Variants in OTOP1 observed in about 807,000 individuals in gnomAD.
The protein encoded by OTOP1 is otopetrin 1, also known as proton channel OTOP1.
OTOP1 carries 59 observed loss-of-function variants against 52.9 expected under a neutral mutation model. The ratio of observed to expected loss-of-function variants is 1.12; its 90% CI spans 0.91 to 1.39. The LOEUF (loss-of-function observed/expected upper bound fraction) is 1.39, where lower values mean the gene tolerates loss of function less well. OTOP1 is among the 40% of genes most tolerant of loss of function. The probability of loss-of-function intolerance (pLI) is 0.00; values close to 1 mark genes in which losing one functional copy is unlikely to be tolerated. For missense variants in OTOP1, 761 were observed against 800.9 expected, an observed-to-expected ratio of 0.95 and a Z score of 0.60; for synonymous variants, 317 against 337.7, an observed-to-expected ratio of 0.94 and a Z score of 0.67.
Position 4,197,686 on chromosome 4 carries a change from T to C in OTOP1, c.1148A>G (p.Lys383Arg), listed in dbSNP as rs370416411. 5 of 1,613,486 alleles carry C rather than the reference T, an allele frequency of 3.1e-6. No homozygotes were observed. The African/African-American group carries it at 6.7e-5, about 22-fold the overall frequency. ...RIDEKSLDES[K>R]NPARKLDSDL... ...CGAGTCCAGTTTGCGGGCCGGATTT[T>C]TGGACTCATCCAGTGACTTCTCGTC... Residue 383 changes from lysine (K) to arginine (R), a missense_variant, in exon 5 of 6, where the codon AAA becomes AGA. By Grantham distance (26) the Lys-to-Arg change is conservative. This residue lies in a region of OTOP1 where 632 missense variants were observed against 619.5 expected (regional missense o/e 1.02). Transcript: ENST00000296358.
chr4:4,225,679 C>T (rs1217123540), intron 1 of OTOP1, among the ~76,000 whole-genome samples: 1 of 152,114 alleles, frequency 6.6e-6, no homozygotes, highest in East Asian at 1.9e-4. Flanking sequence ...CTTTGCCCCA[C>T]CCTGCATCCA....
chr4:4,201,787 C>A lies in OTOP1; in HGVS notation c.730+661G>T, dbSNP rs1301862674. ...GAGAGATTAAATGTCTTCTAAAGGT[C>A]ACACAGCTTGTACATGATGGGAACA... On this transcript the variant is annotated intron_variant, in intron 4 of 5. Coordinates refer to ENST00000296358, the MANE Select transcript of OTOP1 (RefSeq NM_177998.3). Among the ~76,000 whole-genome samples, 4 of 152,282 alleles carry A rather than the reference C, an allele frequency of 2.6e-5. No homozygotes were observed. The East Asian group carries it at 5.8e-4, about 22-fold the overall frequency.
At chr4:4,203,859 C>A (rs1716841338) in intron 3 of OTOP1, among the ~76,000 whole-genome samples, 1 of 152,318 alleles carries the variant, frequency 6.6e-6, no homozygotes, top group East Asian at 1.9e-4. Flanking sequence ...TTGGGTGGGT[C>A]CCCTGCCTGG....
intron 1 of OTOP1, among the ~76,000 whole-genome samples, chr4:4,216,531 C>A (rs1156380308): frequency 1.3e-5 from 2 of 152,192 alleles, no homozygotes; most frequent in African/African-American, 4.8e-5. Flanking sequence ...GCCTCAGAAG[C>A]CTCCTCTGAA....
At chr4:4,220,038 TATACATATATAC>T (rs1318326358) in intron 1 of OTOP1, among the ~76,000 whole-genome samples, 9 of 60,414 alleles carry the variant, frequency 1.5e-4, no homozygotes, top group Non-Finnish European at 2.9e-4. Context: ...CGTATATATG[TATACATATATAC>T]ATATACGTGT....
At chr4:4,220,600 G>A (rs1717278471) in intron 1 of OTOP1, among the ~76,000 whole-genome samples, 1 of 152,166 alleles carries the variant, frequency 6.6e-6, no homozygotes, top group Admixed American at 6.6e-5. Context: ...AGGAGATTGA[G>A]TGAGTCATTA....
intron 1 of OTOP1, among the ~76,000 whole-genome samples, chr4:4,220,123 A>G: frequency 9.8e-6 from 1 of 102,100 alleles, no homozygotes; most frequent in Non-Finnish European, 1.9e-5. Flanking sequence ...TTTTTTTGAG[A>G]TGGAGTTTCA....
Position 4,212,877 on chromosome 4 carries a change from A to G in OTOP1, c.531T>C (p.Thr177=). 5 of 1,614,078 alleles carry G rather than the reference A, an allele frequency of 3.1e-6. No homozygotes were observed. The highest frequency in any genetic ancestry group is 4.2e-6 in the Non-Finnish European group (5 of 1,179,920). ...GVFPVTHSVH[T]LLQVYFLWGH... The stretch of plus-strand genomic sequence containing the variant: ...AACATCAGTGGTTTACCTGCAACAA[A>G]GTATGCACTGAATGGGTGACTGGGA... Residue 177 remains threonine (T), a synonymous_variant, in exon 2 of 6, where the codon ACT becomes ACC. Transcript: ENST00000296358.
chr4:4,192,950 A>G (rs1344740990), intron 5 of OTOP1, among the ~76,000 whole-genome samples: 1 of 152,184 alleles, frequency 6.6e-6, no homozygotes, highest in African/African-American at 2.4e-5. Flanking sequence ...TAACCTGGAA[A>G]TGGATGGTGT....
chr4:4,205,131 C>T (rs1716872187), intron 3 of OTOP1, among the ~76,000 whole-genome samples: 1 of 152,162 alleles, frequency 6.6e-6, no homozygotes, highest in Non-Finnish European at 1.5e-5. Context: ...CACTCCATTA[C>T]CCTGTCGATT....
Position 4,188,959 on chromosome 4 carries a change from G to C in OTOP1, c.1683C>G (p.Pro561=). ...FLCNISLWIP[P]AFGCRPEYDN... The stretch of plus-strand genomic sequence containing the variant: ...CATACTCAGGTCGACAGCCAAAGGC[G>C]GGAGGTATCCAAAGCTGCAAGAGAA... Residue 561 remains proline, a synonymous_variant, in exon 6 of 6, where the codon CCC becomes CCG. Coordinates refer to ENST00000296358, the MANE Select transcript of OTOP1 (RefSeq NM_177998.3). The C allele has an allele frequency of 2.5e-6, 4 of 1,612,458 alleles. No homozygotes were observed. Among genetic ancestry groups the C allele is most frequent in the Non-Finnish European group, 3.4e-6 (4 of 1,179,216 alleles).
chr4:4,210,059 T>C (rs1470229035), intron 2 of OTOP1, among the ~76,000 whole-genome samples: 2 of 152,186 alleles, frequency 1.3e-5, no homozygotes, highest in African/African-American at 4.8e-5. Context: ...GTCAAAGCAC[T>C]GAGCCCAGCG....
At position 4,188,964 on chromosome 4, in the gene OTOP1, G is replaced by T. The variant is rs750609534; in HGVS notation, c.1678C>A (p.Pro560Thr). 14 of 1,612,080 alleles carry T rather than the reference G, an allele frequency of 8.7e-6. No homozygotes were observed. The highest frequency in any genetic ancestry group is 1.1e-5 in the Non-Finnish European group (13 of 1,179,068). The change falls in exon 6 of 6, where the codon CCT becomes ACT. Residue 560 changes from proline to threonine, a missense_variant. Physicochemically the swap from Pro to Thr is conservative, Grantham distance 38 (BLOSUM62 -1). Coordinates refer to ENST00000296358, the MANE Select transcript of OTOP1 (RefSeq NM_177998.3). ...LFLCNISLWIPPAFGCRPEYD... is the reference protein window; with the variant it reads ...LFLCNISLWITPAFGCRPEYD... ...TCAGGTCGACAGCCAAAGGCGGGAG[G>T]TATCCAAAGCTGCAAGAGAAGAGAA...
At chr4:4,216,212 A>C (rs987184866) in intron 1 of OTOP1, among the ~76,000 whole-genome samples, 2 of 152,236 alleles carry the variant, frequency 1.3e-5, no homozygotes, top group Non-Finnish European at 2.9e-5. Context: ...TATAATGAGC[A>C]TGGTTTTGCC....
rs1169995002 is a variant in OTOP1, at chr4:4,206,268, T to A, written c.541-138A>T. On this transcript the variant is annotated intron_variant, in intron 2 of 5. Coordinates refer to ENST00000296358, the MANE Select transcript of OTOP1 (RefSeq NM_177998.3). Reference sequence around the variant, plus strand: ...CAGTGACCTCCTACTCCATCTTAGGTGGCAGTGCCACTCCTCAATGGGGAC... The same window carrying A: ...CAGTGACCTCCTACTCCATCTTAGGAGGCAGTGCCACTCCTCAATGGGGAC... The A allele has an allele frequency of 1.3e-5, 8 of 635,500 alleles. No individual in the cohort carries two copies. In the East Asian group the frequency reaches 2.3e-4, roughly 19 times the overall value. 39.4% of individuals were successfully genotyped at this position (635,500 alleles called of 1,614,324 possible).
chr4:4,197,090 G>A lies in OTOP1; in HGVS notation c.1668+76C>T, dbSNP rs1716651328. 2.8e-6 allele frequency: 4 copies of A among 1,409,604 alleles called. No homozygotes were observed. The East Asian group carries it at 9.2e-5, about 32-fold the overall frequency. 87.3% of individuals were successfully genotyped at this position (1,409,604 alleles called of 1,614,324 possible). ...CGCAATTTACCCATTTAACAAATCT[G>A]CATGTGTACCCCTTGAACCGAAAAT... is the stretch of plus-strand genomic sequence containing the variant. On this transcript the variant is annotated intron_variant, in intron 5 of 5. Coordinates refer to ENST00000296358, the MANE Select transcript of OTOP1 (RefSeq NM_177998.3).
chr4:4,225,792 C>A (rs926256588), intron 1 of OTOP1, among the ~76,000 whole-genome samples: 1 of 152,054 alleles, frequency 6.6e-6, no homozygotes, highest in African/African-American at 2.4e-5. Flanking sequence ...ACAGAGCTCC[C>A]CAGTGGAGTG....
At chr4:4,201,446 G>C (rs540819116) in intron 4 of OTOP1, among the ~76,000 whole-genome samples, 1 of 125,012 alleles carries the variant, frequency 8.0e-6, no homozygotes, top group Admixed American at 8.2e-5. Flanking sequence ...AAATAAAATA[G>C]AATAAATAAA....
intron 5 of OTOP1, among the ~76,000 whole-genome samples, chr4:4,191,291 G>A (rs1475214508): frequency 6.6e-6 from 1 of 152,032 alleles, no homozygotes; most frequent in East Asian, 1.9e-4. Flanking sequence ...CTGGACCATG[G>A]CGGTGGCCCC....
Sources: allele counts gnomAD v4.1 joint callset (sites outside exome capture counted in the v4.1 genomes callset), GRCh38; gene constraint gnomAD v4.1.1; regional missense constraint gnomAD v4.1.1; transcripts MANE v1.5; gene names NCBI Gene and HGNC (gene_info 2026-07-23, HGNC 2026-07-21).